The following ATP8A2 variants were observed in gnomAD, a reference collection of about 807,000 sequenced individuals.
The protein encoded by ATP8A2 is phospholipid-transporting ATPase IB.
A neutral mutation model predicts 165.6 loss-of-function variants in ATP8A2; 100 were observed. The observed-to-expected ratio is 0.60, with a 90% CI of 0.51 to 0.71. The LOEUF (loss-of-function observed/expected upper bound fraction) is 0.71. Among genes scored for constraint, ATP8A2 ranks in the 30% least tolerant of loss-of-function variants. ATP8A2 has a pLI of 0.00. For missense variants in ATP8A2, 1,227 were observed against 1,479.5 expected (o/e 0.83, Z 2.80); for synonymous variants, 543 against 548.8 (o/e 0.99, Z 0.15).
chr13:25,661,503 T>G (rs1353410578), intron 24 of ATP8A2, among the ~76,000 whole-genome samples: 1 of 152,226 alleles, frequency 6.6e-6, no homozygotes, highest in Non-Finnish European at 1.5e-5. Flanking sequence ...TTTTTTTCTT[T>G]CTTGCTCATT....
intron 24 of ATP8A2, among the ~76,000 whole-genome samples, chr13:25,641,504 A>G (rs1047175346): frequency 2.0e-5 from 3 of 152,226 alleles, no homozygotes; most frequent in African/African-American, 7.2e-5. Flanking sequence ...TCCCATTCAC[A>G]ATTGCTTCAA....
At chr13:25,811,876 G>A (rs886612767) in intron 27 of ATP8A2, among the ~76,000 whole-genome samples, 8 of 152,054 alleles carry the variant, frequency 5.3e-5, no homozygotes, top group Admixed American at 5.2e-4. Context: ...AAACCCAATT[G>A]TTTCTTCTGG....
At chr13:25,427,609 C>T (rs1292717153) in intron 1 of ATP8A2, among the ~76,000 whole-genome samples, 1 of 151,900 alleles carries the variant, frequency 6.6e-6, no homozygotes, top group Admixed American at 6.6e-5. Context: ...AAAAAACAAA[C>T]AAATGGCTGA....
intron 33 of ATP8A2, among the ~76,000 whole-genome samples, chr13:25,943,444 G>A (rs1183372872): frequency 6.6e-6 from 1 of 152,122 alleles, no homozygotes; most frequent in Non-Finnish European, 1.5e-5. Flanking sequence ...TTAGCATTGT[G>A]TTACAGTTGC....
intron 33 of ATP8A2, among the ~76,000 whole-genome samples, chr13:25,958,139 G>T (rs1955570758): frequency 6.6e-6 from 1 of 151,750 alleles, no homozygotes; most frequent in Non-Finnish European, 1.5e-5. Flanking sequence ...TTGTGGGGTG[G>T]GGGACTAGGG....
intron 24 of ATP8A2, among the ~76,000 whole-genome samples, chr13:25,655,708 G>A (rs2041912910): frequency 1.3e-5 from 2 of 150,800 alleles, no homozygotes; most frequent in Non-Finnish European, 2.9e-5. Flanking sequence ...CCAAGCTTGT[G>A]GCCCCAAACT....
intron 24 of ATP8A2, among the ~76,000 whole-genome samples, chr13:25,608,977 G>A (rs987647902): frequency 1.1e-4 from 17 of 152,034 alleles, no homozygotes; most frequent in African/African-American, 3.9e-4. Context: ...AAAATACTTA[G>A]AATTGAATGA....
intron 24 of ATP8A2, among the ~76,000 whole-genome samples, chr13:25,673,997 C>T (rs1424278734): frequency 6.6e-6 from 1 of 152,162 alleles, no homozygotes; most frequent in Admixed American, 6.6e-5. Flanking sequence ...AGAGGAAACT[C>T]GGCAGTGTGA....
intron 24 of ATP8A2, among the ~76,000 whole-genome samples, chr13:25,652,718 C>A (rs17082599): frequency 0.034 from 5,235 of 152,230 alleles, 155 homozygotes; most frequent in East Asian, 0.13. Context: ...CTAACTGGCT[C>A]TTATTGGTGC....
chr13:25,896,686 C>G (rs1204442716), intron 33 of ATP8A2, among the ~76,000 whole-genome samples: 1 of 152,190 alleles, frequency 6.6e-6, no homozygotes, highest in South Asian at 2.1e-4. Flanking sequence ...TTGTAGTTCT[C>G]TAAGGACTTG....
intron 25 of ATP8A2, among the ~76,000 whole-genome samples, chr13:25,715,439 A>G (rs2043236922): frequency 6.6e-6 from 1 of 152,196 alleles, no homozygotes; most frequent in Non-Finnish European, 1.5e-5. Context: ...ACTACATTCC[A>G]TTTTAGAACA....
intron 1 of ATP8A2, among the ~76,000 whole-genome samples, chr13:25,429,613 C>T (rs1032064209): frequency 5.9e-5 from 9 of 152,094 alleles, no homozygotes; most frequent in Non-Finnish European, 1.2e-4. Context: ...TGCCACATAA[C>T]GTGTGGGAAA....
chr13:25,561,044 A>G (rs9551212), intron 15 of ATP8A2, among the ~76,000 whole-genome samples: 150,929 of 151,036 alleles, frequency 1, 75,411 homozygotes, highest in Middle Eastern at 1. Flanking sequence ...CCACCACCAC[A>G]CCCAGCTAAT....
chr13:26,017,277 C>T (rs547176100), intron 36 of ATP8A2, among the ~76,000 whole-genome samples: 1 of 152,282 alleles, frequency 6.6e-6, no homozygotes, highest in East Asian at 1.9e-4. Context: ...TTCTGCCAGG[C>T]CCCCTCAGGA....
At chr13:25,553,000 C>T (rs528299153) in intron 11 of ATP8A2, among the ~76,000 whole-genome samples, 81 of 152,226 alleles carry the variant, frequency 5.3e-4, no homozygotes, top group African/African-American at 1.7e-3. Flanking sequence ...TCCCTCCAAT[C>T]CCAGCCTTCT....
At chr13:25,732,025 C>G in intron 25 of ATP8A2, among the ~76,000 whole-genome samples, 1 of 152,164 alleles carries the variant, frequency 6.6e-6, no homozygotes, top group East Asian at 1.9e-4. Flanking sequence ...TGAGTTTTCC[C>G]TCACAGCCTC....
intron 1 of ATP8A2, among the ~76,000 whole-genome samples, chr13:25,432,901 C>T (rs1460689649): frequency 7.2e-5 from 11 of 152,138 alleles, no homozygotes; most frequent in Admixed American, 7.2e-4. Context: ...CCGTGCTTTC[C>T]GGCACATGTG....
chr13:25,666,799 G>C (rs948013643), intron 24 of ATP8A2, among the ~76,000 whole-genome samples: 6 of 152,176 alleles, frequency 3.9e-5, no homozygotes, highest in African/African-American at 1.4e-4. Flanking sequence ...ATTTGCAACT[G>C]AATTAAGGTT....
Position 25,750,720 on chromosome 13 carries a change from A to G in ATP8A2, c.2385-18326A>G, listed in dbSNP as rs911257974. Among the ~76,000 whole-genome samples the G allele has an allele frequency of 2.0e-5, 3 of 152,184 alleles. No individual in the cohort carries two copies. The highest frequency in any genetic ancestry group is 7.2e-5 in the African/African-American group (3 of 41,448). On this transcript the variant is annotated intron_variant, in intron 25 of 36. Coordinates refer to ENST00000381655, the MANE Select transcript of ATP8A2 (RefSeq NM_016529.6). The surrounding 1 kb of genome is among the most constrained non-coding windows in gnomAD (Gnocchi z 4.3). The stretch of plus-strand genomic sequence containing the variant: ...TTTGGCATCGAGTTTATACGAGCAC[A>G]TGGGCATCAAAAAGCTTGCGAAGAA...
Sources: gnomAD v4.1 joint callset for allele counts (sites outside exome capture counted in the v4.1 genomes callset) on GRCh38, gnomAD v4.1.1 for gene constraint, Gnocchi (gnomAD v3.1) non-coding constraint, MANE v1.5 for transcripts, NCBI Gene and HGNC (gene_info 2026-07-23, HGNC 2026-07-21) for gene names.